Variants in CHCHD3 observed in about 807,000 individuals in gnomAD.
CHCHD3 encodes coiled-coil-helix-coiled-coil-helix domain containing 3.
In CHCHD3, 20 loss-of-function variants were observed where a neutral mutation model predicts 38.2. That is an observed-to-expected ratio of 0.52 (90% CI 0.37 to 0.76). The LOEUF (loss-of-function observed/expected upper bound fraction) is 0.76, where lower values mean the gene tolerates loss of function less well. Among genes scored for constraint, CHCHD3 ranks in the 30% least tolerant of loss-of-function variants. CHCHD3 has a pLI of 0.00. For synonymous variants in CHCHD3, 82 were observed against 100.0 expected (o/e 0.82, Z 1.07); for missense variants, 245 against 279.2 (o/e 0.88, Z 0.87).
chr7:132,877,227 C>T (rs1808935345), intron 5 of CHCHD3, among the ~76,000 whole-genome samples: 1 of 152,124 alleles, frequency 6.6e-6, no homozygotes, highest in African/African-American at 2.4e-5. Flanking sequence ...CTCAAGGTTA[C>T]CTAAACCACA....
At chr7:132,826,733 A>G (rs1431321137) in intron 6 of CHCHD3, among the ~76,000 whole-genome samples, 3 of 152,370 alleles carry the variant, frequency 2.0e-5, no homozygotes, top group Admixed American at 6.5e-5. Flanking sequence ...CCAGGACTCA[A>G]TAAATAGTAT....
chr7:132,882,461 CTATATATATATATA>C lies in CHCHD3; in HGVS notation c.453+3187_453+3200del, dbSNP rs71178065. 6.2e-3 allele frequency among the ~76,000 whole-genome samples: 840 copies of C among 135,026 alleles called. 11 individuals are homozygous for C. The highest frequency in any genetic ancestry group is 0.019 in the African/African-American group (697 of 36,514). 88.6% of individuals were successfully genotyped at this position (135,026 alleles called of 152,430 possible). Reference sequence around the variant, plus strand: ...TCTTCAAAAAGGAAAACAATATATTCTATATATATATATATATATATATATATATATATATATAT... The same window carrying C: ...TCTTCAAAAAGGAAAACAATATATTCTATATATATATATATATATATATAT... On this transcript the variant is annotated intron_variant, in intron 5 of 7. Coordinates refer to ENST00000262570, the MANE Select transcript of CHCHD3 (RefSeq NM_017812.4).
chr7:132,929,785 G>C (rs1461562817), intron 4 of CHCHD3, among the ~76,000 whole-genome samples: 1 of 152,192 alleles, frequency 6.6e-6, no homozygotes, highest in Non-Finnish European at 1.5e-5. Context: ...TCATGAGTGG[G>C]CACAGGAAGC....
rs1810224022 is a variant in CHCHD3 at position 132,920,134 on chromosome 7, G to A, written c.370-34389C>T. On this transcript the variant is annotated intron_variant, in intron 4 of 7. Transcript: ENST00000262570. ...GTATAAATGAATACACAAAGAACAA[G>A]AATTGTCACTCTAATGCTGGCATCA... Among the ~76,000 whole-genome samples the A allele has an allele frequency of 3.3e-5, 5 of 152,122 alleles. No homozygotes were observed. In the South Asian group the frequency reaches 1.0e-3, roughly 32 times the overall value.
At chr7:132,946,425 G>A (rs1344966108) in intron 4 of CHCHD3, among the ~76,000 whole-genome samples, 1 of 151,846 alleles carries the variant, frequency 6.6e-6, no homozygotes, top group Non-Finnish European at 1.5e-5. Flanking sequence ...ACTGAGAAGA[G>A]CTCCTCTATG....
At chr7:132,904,999 A>G (rs1809760646) in intron 4 of CHCHD3, among the ~76,000 whole-genome samples, 1 of 152,070 alleles carries the variant, frequency 6.6e-6, no homozygotes, top group Non-Finnish European at 1.5e-5. Context: ...ACAAGGACAG[A>G]AAACCAAACA....
chr7:132,822,820 A>AAAAACAAAAC (rs367839827), intron 6 of CHCHD3, among the ~76,000 whole-genome samples: 202 of 150,696 alleles, frequency 1.3e-3, no homozygotes, highest in South Asian at 2.1e-3. Flanking sequence ...GCCCCCCACC[A>AAAAACAAAAC]AAAACAAAAC....
At chr7:132,786,039 A>T (rs1166862982) in intron 7 of CHCHD3, among the ~76,000 whole-genome samples, 1 of 152,130 alleles carries the variant, frequency 6.6e-6, no homozygotes, top group Non-Finnish European at 1.5e-5. Flanking sequence ...TTAGCTGGGC[A>T]TGGTGGTGTG....
chr7:133,009,196 C>T (rs1812790727), intron 3 of CHCHD3, among the ~76,000 whole-genome samples: 3 of 151,736 alleles, frequency 2.0e-5, no homozygotes, highest in Non-Finnish European at 4.4e-5. Flanking sequence ...CACCCCATCT[C>T]TATTAAAAAA....
At chr7:132,966,925 A>G (rs961318989) in intron 4 of CHCHD3, among the ~76,000 whole-genome samples, 1 of 152,224 alleles carries the variant, frequency 6.6e-6, no homozygotes, top group Admixed American at 6.5e-5. Context: ...ATTCCAACAG[A>G]CCAGGCAATG....
At chr7:132,983,975 C>T (rs1584619313) in intron 3 of CHCHD3, among the ~76,000 whole-genome samples, 2 of 104,824 alleles carry the variant, frequency 1.9e-5, no homozygotes, top group Admixed American at 2.2e-4. Flanking sequence ...TCCTCCTCTC[C>T]CTCTCCCTCC....
chr7:132,979,438 CT>C (rs1376919866), intron 3 of CHCHD3, among the ~76,000 whole-genome samples: 2 of 152,184 alleles, frequency 1.3e-5, no homozygotes, highest in East Asian at 1.9e-4. Context: ...ACAGTCCCTA[CT>C]TTCATGAGCC....
chr7:132,835,062 C>A (rs1204476360), intron 6 of CHCHD3, among the ~76,000 whole-genome samples: 1 of 151,712 alleles, frequency 6.6e-6, no homozygotes, highest in African/African-American at 2.4e-5. Context: ...CCTTTGCCTC[C>A]TAGGCTCAGG....
chr7:132,939,799 C>A (rs997643596), intron 4 of CHCHD3, among the ~76,000 whole-genome samples: 1 of 152,164 alleles, frequency 6.6e-6, no homozygotes, highest in African/African-American at 2.4e-5. Context: ...CATTTAGGAA[C>A]AAATGAGTAT....
At chr7:133,022,242 G>C (rs1381244229) in intron 3 of CHCHD3, among the ~76,000 whole-genome samples, 3 of 152,200 alleles carry the variant, frequency 2.0e-5, no homozygotes, top group Non-Finnish European at 2.9e-5. Flanking sequence ...CGTATGTCCA[G>C]CTATGAAGTG....
chr7:132,793,614 TC>T (rs1186006754), intron 7 of CHCHD3, among the ~76,000 whole-genome samples: 2 of 152,172 alleles, frequency 1.3e-5, no homozygotes, highest in Non-Finnish European at 1.5e-5. Flanking sequence ...CCGGAAATTT[TC>T]CTAACAGTAA....
rs1811728595 is a variant in CHCHD3 at position 132,975,153 on chromosome 7, C to T, written c.369+16G>A. On this transcript the variant is annotated intron_variant, in intron 4 of 7. Transcript: ENST00000262570. The stretch of plus-strand genomic sequence containing the variant: ...CTTGTAGGCAAGAAAATTTCTCCTA[C>T]ATTTTTAATACTCACCAGGTGCTTT... 6.3e-7 allele frequency: 1 copy of T among 1,599,894 alleles called. No individual in the cohort carries two copies. The highest frequency in any genetic ancestry group is 8.6e-7 in the Non-Finnish European group (1 of 1,169,130).
chr7:132,836,529 G>C (rs1465636102), intron 6 of CHCHD3, among the ~76,000 whole-genome samples: 1 of 151,768 alleles, frequency 6.6e-6, no homozygotes, highest in Non-Finnish European at 1.5e-5. Context: ...TCTGTGACTG[G>C]AGTGCAATGG....
At chr7:132,849,999 A>G (rs1459290110) in intron 5 of CHCHD3, among the ~76,000 whole-genome samples, 1 of 152,204 alleles carries the variant, frequency 6.6e-6, no homozygotes, top group African/African-American at 2.4e-5. Context: ...AGACAGGGTG[A>G]AAGTAATCAG....
Sources: allele counts gnomAD v4.1 joint callset (sites outside exome capture counted in the v4.1 genomes callset), GRCh38; gene constraint gnomAD v4.1.1; transcripts MANE v1.5; gene names NCBI Gene and HGNC (gene_info 2026-07-23, HGNC 2026-07-21).